Variants in KCNAB1 observed in about 807,000 individuals in gnomAD.
KCNAB1 encodes potassium voltage-gated channel subfamily A regulatory beta subunit 1.
KCNAB1 carries 35 observed loss-of-function variants against 64.6 expected under a neutral mutation model. The ratio of observed to expected loss-of-function variants is 0.54; its 90% CI spans 0.41 to 0.72. The LOEUF (loss-of-function observed/expected upper bound fraction) is 0.72, where lower values mean the gene tolerates loss of function less well. Among genes scored for constraint, KCNAB1 ranks in the 30% least tolerant of loss-of-function variants. KCNAB1 has a pLI of 0.00. For missense variants in KCNAB1, 401 were observed against 512.9 expected, an observed-to-expected ratio of 0.78 and a Z score of 2.11; for synonymous variants, 177 against 183.8, an observed-to-expected ratio of 0.96 and a Z score of 0.30.
intron 1 of KCNAB1, among the ~76,000 whole-genome samples, chr3:156,180,405 C>T (rs981589403): frequency 1.3e-5 from 2 of 152,194 alleles, no homozygotes; most frequent in African/African-American, 4.8e-5. Context: ...AAGGGAGTTA[C>T]TTAGCTATTT....
chr3:156,211,926 C>T (rs1352083761), intron 1 of KCNAB1, among the ~76,000 whole-genome samples: 1 of 152,154 alleles, frequency 6.6e-6, no homozygotes, highest in Non-Finnish European at 1.5e-5. Flanking sequence ...AGAGTTTGGG[C>T]TCTCAAGTCA....
rs777958005 is a variant in KCNAB1 at position 156,292,179 on chromosome 3, G to A, written c.276-129437G>A. 9.4e-6 allele frequency: 15 copies of A among 1,589,272 alleles called. No homozygotes were observed. The Admixed American group carries it at 1.3e-4, about 14-fold the overall frequency. On this transcript the variant is annotated intron_variant, in intron 1 of 13. Transcript: ENST00000490337. ...CGGGGTATCCAGGTTCTATACAGGTGCAGTGGAGACAGTCCATCGGTTTTG... is the reference window on the plus strand; with the variant it reads ...CGGGGTATCCAGGTTCTATACAGGTACAGTGGAGACAGTCCATCGGTTTTG...
chr3:156,513,594 T>C (rs986093451), intron 8 of KCNAB1, among the ~76,000 whole-genome samples: 5 of 152,222 alleles, frequency 3.3e-5, no homozygotes, highest in Non-Finnish European at 5.9e-5. Flanking sequence ...CTGCAGCACA[T>C]CTGGCTGGTG....
intron 1 of KCNAB1, among the ~76,000 whole-genome samples, chr3:156,276,559 G>A (rs1719358094): frequency 6.6e-6 from 1 of 152,146 alleles, no homozygotes; most frequent in African/African-American, 2.4e-5. Context: ...GTTGTTTAGT[G>A]TTGTTAATAA....
chr3:156,182,695 ATT>A (rs10624040), intron 1 of KCNAB1, among the ~76,000 whole-genome samples: 4 of 132,690 alleles, frequency 3.0e-5, no homozygotes, highest in Non-Finnish European at 1.6e-5. Flanking sequence ...AAGTAAGACA[ATT>A]TTTTTTTTTT....
intron 2 of KCNAB1, among the ~76,000 whole-genome samples, chr3:156,445,020 G>A (rs1227044482): frequency 6.6e-6 from 1 of 152,228 alleles, no homozygotes; most frequent in Non-Finnish European, 1.5e-5. Context: ...AGGATGGGCT[G>A]GATGCTGTGG....
chr3:156,381,243 C>A (rs1440219375), intron 1 of KCNAB1, among the ~76,000 whole-genome samples: 1 of 152,108 alleles, frequency 6.6e-6, no homozygotes, highest in Non-Finnish European at 1.5e-5. Context: ...GTGGTGATAT[C>A]TGAACTGGCC....
At chr3:156,325,797 G>GA (rs1432732236) in intron 1 of KCNAB1, among the ~76,000 whole-genome samples, 2 of 151,338 alleles carry the variant, frequency 1.3e-5, no homozygotes, top group East Asian at 1.9e-4. Flanking sequence ...CCACAAAATG[G>GA]AAAAAAATAA....
intron 1 of KCNAB1, among the ~76,000 whole-genome samples, chr3:156,146,191 A>G (rs1285343506): frequency 6.6e-6 from 1 of 152,268 alleles, no homozygotes; most frequent in Non-Finnish European, 1.5e-5. Flanking sequence ...GCATCAATTG[A>G]AAAGAAACTG....
intron 7 of KCNAB1, among the ~76,000 whole-genome samples, chr3:156,472,493 T>C (rs968819907): frequency 6.6e-6 from 1 of 152,226 alleles, no homozygotes; most frequent in Non-Finnish European, 1.5e-5. Flanking sequence ...ATTACAAGAC[T>C]TTACGTGATT....
intron 1 of KCNAB1, among the ~76,000 whole-genome samples, chr3:156,240,785 G>A (rs1717118583): frequency 6.6e-6 from 1 of 152,130 alleles, no homozygotes; most frequent in Admixed American, 6.5e-5. Context: ...CAAGGATCAG[G>A]CCCTGAGACA....
At chr3:156,231,237 G>C (rs752155229) in intron 1 of KCNAB1, among the ~76,000 whole-genome samples, 42 of 151,884 alleles carry the variant, frequency 2.8e-4, no homozygotes, top group Non-Finnish European at 5.0e-4. Context: ...TTTTTATTTT[G>C]CCCAAACTTC....
At chr3:156,466,535 A>G (rs984380174) in intron 7 of KCNAB1, among the ~76,000 whole-genome samples, 1 of 151,422 alleles carries the variant, frequency 6.6e-6, no homozygotes, top group African/African-American at 2.4e-5. Context: ...ATTTTATTTC[A>G]ATAGCTTTTG....
At chr3:156,253,977 G>A (rs1182557939) in intron 1 of KCNAB1, among the ~76,000 whole-genome samples, 3 of 152,078 alleles carry the variant, frequency 2.0e-5, no homozygotes, top group African/African-American at 7.3e-5. Flanking sequence ...GGAAGCTGAG[G>A]CTTCTTAAAA....
intron 1 of KCNAB1, among the ~76,000 whole-genome samples, chr3:156,376,368 T>G (rs1711661854): frequency 6.6e-6 from 1 of 151,316 alleles, no homozygotes; most frequent in Admixed American, 6.6e-5. Context: ...AGCCATGGAG[T>G]CCAGCATTTA....
chr3:156,199,524 CT>C (rs1319944933), intron 1 of KCNAB1, among the ~76,000 whole-genome samples: 1 of 152,142 alleles, frequency 6.6e-6, no homozygotes, highest in Non-Finnish European at 1.5e-5. Context: ...CCTTTTCATT[CT>C]TTTTTCTCTA....
At chr3:156,125,136 C>CAA (rs563938669) in intron 1 of KCNAB1, among the ~76,000 whole-genome samples, 2,081 of 132,614 alleles carry the variant, frequency 0.016, 48 homozygotes, top group African/African-American at 0.053. Flanking sequence ...ACACTCCACT[C>CAA]AAAAAAAAAA....
At chr3:156,361,597 G>C (rs1386100877) in intron 1 of KCNAB1, among the ~76,000 whole-genome samples, 1 of 152,212 alleles carries the variant, frequency 6.6e-6, no homozygotes, top group Non-Finnish European at 1.5e-5. Flanking sequence ...GCCCAGAGCA[G>C]TGCCTGGCAC....
intron 1 of KCNAB1, among the ~76,000 whole-genome samples, chr3:156,310,921 A>G (rs1721853509): frequency 6.6e-6 from 1 of 152,180 alleles, no homozygotes; most frequent in Non-Finnish European, 1.5e-5. Flanking sequence ...CTAGGGCAGC[A>G]ATTAGGGCCC....
Sources: gnomAD v4.1 joint callset for allele counts (sites outside exome capture counted in the v4.1 genomes callset) on GRCh38, gnomAD v4.1.1 for gene constraint, MANE v1.5 for transcripts, NCBI Gene and HGNC (gene_info 2026-07-23, HGNC 2026-07-21) for gene names.